The following GDF3 variants were observed in gnomAD, a reference collection of about 807,000 sequenced individuals.
GDF3 encodes growth differentiation factor 3.
In GDF3, 10 loss-of-function variants were observed where a neutral mutation model predicts 10.2. The observed-to-expected ratio is 0.98, with a 90% CI of 0.60 to 1.66. The LOEUF (loss-of-function observed/expected upper bound fraction) is 1.66. GDF3 is among the 40% of genes most tolerant of loss of function. The pLI, the probability that GDF3 is intolerant of heterozygous loss-of-function variation, is 0.00. For missense variants in GDF3, 450 were observed against 438.3 expected, an observed-to-expected ratio of 1.03 and a Z score of -0.24; for synonymous variants, 166 against 178.5, an observed-to-expected ratio of 0.93 and a Z score of 0.56.
In GDF3 at chr12:7,690,265, C is replaced by T. The variant is rs1864112023; in HGVS notation, c.708G>A (p.Val236=). The T allele has an allele frequency of 2.5e-6, 4 of 1,614,114 alleles. No homozygotes were observed. The East Asian group carries it at 8.9e-5, about 36-fold the overall frequency. ...RCSLHASLLV[V]TLNPDQCHPS... Reference sequence around the variant, plus strand: ...GGTGGCACTGATCAGGGTTGAGAGTCACCACCAGCAGGGAAGCATGAAGGG... The same window carrying T: ...GGTGGCACTGATCAGGGTTGAGAGTTACCACCAGCAGGGAAGCATGAAGGG... The change falls in exon 2 of 2, where the codon GTG becomes GTA. Residue 236 remains valine, a synonymous_variant. Transcript: ENST00000329913.
Position 7,689,922 on chromosome 12 carries a change from G to A in GDF3, c.1051C>T (p.Arg351Ter), listed in dbSNP as rs1232362708. The change falls in exon 2 of 2, where the codon CGA becomes TGA. Residue 351 changes from arginine (R) to a stop codon, truncating the protein, a stop_gained. Coordinates refer to ENST00000329913, the MANE Select transcript of GDF3 (RefSeq NM_020634.3). LOFTEE classifies it high-confidence loss of function. ...YQDNNDNVIL[R>*]HYEDMVVDEC... Reference sequence around the variant, plus strand: ...TCGACTACCATGTCTTCATAATGTCGTAGAATGACATTGTCATTATTGTCC... The same window carrying A: ...TCGACTACCATGTCTTCATAATGTCATAGAATGACATTGTCATTATTGTCC... The A allele has an allele frequency of 1.5e-5, 24 of 1,613,054 alleles. No individual in the cohort carries two copies. Among genetic ancestry groups the A allele is most frequent in the Admixed American group, 3.3e-5 (2 of 59,966 alleles).
chr12:7,692,068 A>G (rs1295930073), intron 1 of GDF3, among the ~76,000 whole-genome samples: 2 of 152,146 alleles, frequency 1.3e-5, no homozygotes, highest in African/African-American at 4.8e-5. Context: ...ATGTATTTCA[A>G]TATTTAATTG....
chr12:7,689,905 C>T lies in GDF3; in HGVS notation c.1068G>A (p.Met356Ile), dbSNP rs1864106965. ...ACCCACACCCACATTCATCGACTAC[C>T]ATGTCTTCATAATGTCGTAGAATGA... is the stretch of plus-strand genomic sequence containing the variant. ...DNVILRHYED[M>I]VVDECGCG The change falls in exon 2 of 2, where the codon ATG (methionine) becomes ATA (isoleucine). Residue 356 changes from methionine to isoleucine, a missense_variant. Physicochemically the swap from Met to Ile is conservative, Grantham distance 10 (BLOSUM62 1). Transcript: ENST00000329913. The T allele has an allele frequency of 1.2e-6, 2 of 1,612,112 alleles. No individual in the cohort carries two copies. Among genetic ancestry groups the T allele is most frequent in the East Asian group, 2.2e-5 (1 of 44,884 alleles).
intron 1 of GDF3, 134 bp from the exon 2 acceptor site, chr12:7,690,838 G>T: frequency 1.5e-6 from 1 of 651,688 alleles, no homozygotes; most frequent in Non-Finnish European, 2.7e-6. Context: ...ATTTGGGAGG[G>T]TTTGTTTCTC....
chr12:7,690,439 A>G lies in GDF3; in HGVS notation c.534T>C (p.Ala178=), dbSNP rs200893461. 74 of 1,614,062 alleles carry G rather than the reference A, an allele frequency of 4.6e-5. No individual in the cohort carries two copies. The highest frequency in any genetic ancestry group is 6.1e-5 in the Non-Finnish European group (72 of 1,180,040). Residue 178 remains alanine (A), a synonymous_variant, in exon 2 of 2, where the codon GCT becomes GCC. Transcript: ENST00000329913. ...CTACATCCAGCAGGTTGAAGTGAACAGCACCTTGTGGCCATGGGACTGACC... is the reference window on the plus strand; with the variant it reads ...CTACATCCAGCAGGTTGAAGTGAACGGCACCTTGTGGCCATGGGACTGACC... ...VLRSVPWPQG[A]VHFNLLDVAK...
At position 7,695,767 on chromosome 12, in the gene GDF3, T is replaced by C; in HGVS notation, c.-39A>G. 1 of 1,610,236 alleles carries C rather than the reference T, an allele frequency of 6.2e-7. No homozygotes were observed. The highest frequency in any genetic ancestry group is 1.1e-5 in the South Asian group (1 of 90,760). On this transcript the variant is annotated 5_prime_UTR_variant, in exon 1 of 2. Transcript: ENST00000329913. ...GCTGTCAGACCGGGGAGAGCTCCAC[T>C]GCCAGACTGCCCAACAATTCAGAGG...
At position 7,690,378 on chromosome 12, in the gene GDF3, C is replaced by T. The variant is rs778768975; in HGVS notation, c.595G>A (p.Gly199Arg). The T allele has an allele frequency of 1.1e-5, 17 of 1,613,912 alleles. No individual in the cohort carries two copies. The highest frequency in any genetic ancestry group is 3.3e-5 in the South Asian group (3 of 91,072). The part of the protein sequence containing the change: ...DWNDNPRKNF[G>R]LFLEILVKED... ...TTGACCAGTATCTCCAGGAATAACC[C>T]GAAATTTTTCCGGGGGTTGTCATTC... The change falls in exon 2 of 2, where the codon GGG becomes AGG. Residue 199 changes from glycine (G) to arginine (R), a missense_variant. Transcript: ENST00000329913.
In GDF3 at chr12:7,690,200, A is replaced by G; in HGVS notation, c.773T>C (p.Leu258Pro). ...ACGGTGGCAGAGGTTCTTACAAGAAAGCTTGGGGACAGGGATGGCTGCTCT... is the reference window on the plus strand; with the variant it reads ...ACGGTGGCAGAGGTTCTTACAAGAAGGCTTGGGGACAGGGATGGCTGCTCT... The part of the protein sequence containing the change: ...KRRAAIPVPK[L>P]SCKNLCHRHQ... Residue 258 changes from leucine (L) to proline (P), a missense_variant, in exon 2 of 2, where the codon CTT (leucine) becomes CCT (proline). Leu to Pro is a moderately conservative substitution (Grantham distance 98). Transcript: ENST00000329913. 6.2e-7 allele frequency: 1 copy of G among 1,614,138 alleles called. No individual in the cohort carries two copies. Among genetic ancestry groups the G allele is most frequent in the Non-Finnish European group, 8.5e-7 (1 of 1,180,026 alleles).
chr12:7,692,126 A>G (rs986273543), intron 1 of GDF3, among the ~76,000 whole-genome samples: 1 of 151,730 alleles, frequency 6.6e-6, no homozygotes, highest in Non-Finnish European at 1.5e-5. Flanking sequence ...TTAAACCATT[A>G]TTCTGAGAAA....
At position 7,690,646 on chromosome 12, in the gene GDF3, G is replaced by C; in HGVS notation, c.327C>G (p.Leu109=). Reference sequence around the variant, plus strand: ...CTTTGATGGCAGACAGGTTAAAGTAGAGGAGCTTCTGCAGGCAGGAGGAAG... The same window carrying C: ...CTTTGATGGCAGACAGGTTAAAGTACAGGAGCTTCTGCAGGCAGGAGGAAG... ...SQASSCLQKL[L]YFNLSAIKER... is the part of the protein sequence containing the mutation. The change falls in exon 2 of 2, where the codon CTC becomes CTG. Residue 109 remains leucine, a synonymous_variant. Coordinates refer to ENST00000329913, the MANE Select transcript of GDF3 (RefSeq NM_020634.3). 1 of 1,612,850 alleles carries C rather than the reference G, an allele frequency of 6.2e-7. No individual in the cohort carries two copies. The highest frequency in any genetic ancestry group is 1.7e-4 in the Middle Eastern group (1 of 6,042).
In GDF3 at chr12:7,691,778, C is replaced by T. The variant is rs767827361; in HGVS notation, c.269-1074G>A. On this transcript the variant is annotated intron_variant, in intron 1 of 1. Coordinates refer to ENST00000329913, the MANE Select transcript of GDF3 (RefSeq NM_020634.3). ...ATCCCAGCACTTTGGGAGGCCGAGG[C>T]GGGCGGATCACGAGATGAGGAGATC... 6.4e-3 allele frequency among the ~76,000 whole-genome samples: 910 copies of T among 143,130 alleles called. 15 individuals carry two copies. The highest frequency in any genetic ancestry group is 0.049 in the South Asian group (218 of 4,418). 93.9% of individuals were successfully genotyped at this position (143,130 alleles called of 152,430 possible).
chr12:7,690,108 T>G lies in GDF3; in HGVS notation c.865A>C (p.Met289Leu), dbSNP rs749915057. The change falls in exon 2 of 2, where the codon ATG becomes CTG. Residue 289 changes from methionine (M) to leucine (L), a missense_variant. Transcript: ENST00000329913. ...HKWIIAPKGF[M>L]ANYCHGECPF... ...CACTCTCCATGGCAGTAATTTGCCA[T>G]GAACCCCTTGGGGGCAATGATCCAC... The G allele has an allele frequency of 6.2e-7, 1 of 1,614,132 alleles. No individual in the cohort carries two copies. The highest frequency in any genetic ancestry group is 8.5e-7 in the Non-Finnish European group (1 of 1,180,016).
intron 1 of GDF3, among the ~76,000 whole-genome samples, chr12:7,691,254 T>G (rs1864127356): frequency 6.6e-6 from 1 of 151,738 alleles, no homozygotes; most frequent in Non-Finnish European, 1.5e-5. Context: ...ATGGGAAAAA[T>G]AATTACATCA....
chr12:7,694,487 T>C (rs536801099), intron 1 of GDF3, among the ~76,000 whole-genome samples: 12 of 141,324 alleles, frequency 8.5e-5, no homozygotes, highest in African/African-American at 3.2e-4. Context: ...GGCAGAAGAA[T>C]CACTTGAACC....
Position 7,691,417 on chromosome 12 carries a change from T to C in GDF3, c.269-713A>G, listed in dbSNP as rs764560235. 7.9e-5 allele frequency among the ~76,000 whole-genome samples: 12 copies of C among 151,716 alleles called. No homozygotes were observed. The South Asian group carries it at 2.5e-3, about 32-fold the overall frequency. On this transcript the variant is annotated intron_variant, in intron 1 of 1. Coordinates refer to ENST00000329913, the MANE Select transcript of GDF3 (RefSeq NM_020634.3). ...TAGTTGTTGCAAATAACTTAAAATATTTATGGAGTCCAGGCAAGGTGGCTC... is the reference window on the plus strand; with the variant it reads ...TAGTTGTTGCAAATAACTTAAAATACTTATGGAGTCCAGGCAAGGTGGCTC...
At chr12:7,692,595 CGTCTCTCGG>C (rs997748269) in intron 1 of GDF3, among the ~76,000 whole-genome samples, 1 of 151,194 alleles carries the variant, frequency 6.6e-6, no homozygotes, top group African/African-American at 2.4e-5. Flanking sequence ...CTGCAACCTC[CGTCTCTCGG>C]GTTCAAGCAA....
Position 7,695,545 on chromosome 12 carries a change from C to T in GDF3, c.184G>A (p.Ala62Thr). 6.2e-7 allele frequency: 1 copy of T among 1,614,138 alleles called. No individual in the cohort carries two copies. Among genetic ancestry groups the T allele is most frequent in the Non-Finnish European group, 8.5e-7 (1 of 1,179,994 alleles). ...KKIFQDREAA[A>T]TTGVSRDLCY... ...AAGTCTCGGGAGACCCCAGTGGTCG[C>T]TGCTGCCTCGCGATCCTGGAAAATT... is the stretch of plus-strand genomic sequence containing the variant. Residue 62 changes from alanine (A) to threonine (T), a missense_variant, in exon 1 of 2, where the codon GCG becomes ACG. Coordinates refer to ENST00000329913, the MANE Select transcript of GDF3 (RefSeq NM_020634.3).
chr12:7,694,430 T>G (rs923018102), intron 1 of GDF3, among the ~76,000 whole-genome samples: 1 of 129,446 alleles, frequency 7.7e-6, no homozygotes, highest in Non-Finnish European at 1.7e-5. Context: ...AAAAATTAGC[T>G]GGGCTTGGTG....
At chr12:7,690,796 A>C in intron 1 of GDF3, 92 bp from the exon 2 acceptor site, 2 of 755,934 alleles carry the variant, frequency 2.6e-6, no homozygotes, top group Non-Finnish European at 4.7e-6. Context: ...CACATATACA[A>C]TATAAGGGCA....
Sources: gnomAD v4.1 joint callset for allele counts (sites outside exome capture counted in the v4.1 genomes callset) on GRCh38, gnomAD v4.1.1 for gene constraint, MANE v1.5 for transcripts, NCBI Gene and HGNC (gene_info 2026-07-23, HGNC 2026-07-21) for gene names.